CXADR: variants seen among roughly 807,000 people sequenced by gnomAD.
CXADR encodes the protein CXADR cell adhesion molecule.
A neutral mutation model predicts 40.3 loss-of-function variants in CXADR; 20 were observed. That is an observed-to-expected ratio of 0.50 (90% CI 0.35 to 0.72). The LOEUF (loss-of-function observed/expected upper bound fraction) is 0.72, where lower values mean the gene tolerates loss of function less well. Among genes scored for constraint, CXADR ranks in the 30% least tolerant of loss-of-function variants. The pLI is 0.01. For missense variants in CXADR, 332 were observed against 449.1 expected (o/e 0.74, Z 2.36); for synonymous variants, 150 against 161.3 (o/e 0.93, Z 0.53).
At chr21:17,546,818 A>G (rs2060902895) in intron 1 of CXADR, among the ~76,000 whole-genome samples, 1 of 152,204 alleles carries the variant, frequency 6.6e-6, no homozygotes, top group Non-Finnish European at 1.5e-5. Flanking sequence ...GAATTGTATC[A>G]AATAAGATGA....
At chr21:17,520,148 GTTAA>G (rs1569071941) in intron 1 of CXADR, among the ~76,000 whole-genome samples, 2 of 152,098 alleles carry the variant, frequency 1.3e-5, no homozygotes, top group African/African-American at 2.4e-5. Flanking sequence ...ACACTCACCT[GTTAA>G]TTAAGTGATA....
At chr21:17,591,450 CCT>C (rs1423961028) in intron 7 of CXADR, among the ~76,000 whole-genome samples, 3 of 151,934 alleles carry the variant, frequency 2.0e-5, no homozygotes, top group African/African-American at 7.2e-5. Context: ...TTAACACATA[CCT>C]CTGTTAGCTG....
At chr21:17,546,925 G>A (rs1452931564) in intron 1 of CXADR, 102 bp from the exon 2 acceptor site, 2 of 1,402,418 alleles carry the variant, frequency 1.4e-6, no homozygotes, top group African/African-American at 2.9e-5. Flanking sequence ...ACCCCGTCCT[G>A]TATCCCTCGC....
rs1157117899 is a variant in CXADR at position 17,534,100 on chromosome 21, A to ATT, written c.44-12903_44-12902dup. ...CACACACATATATATATATATATATATTTTTTTTTTTTTTTTTTTTTTTTT... is the reference window on the plus strand; with the variant it reads ...CACACACATATATATATATATATATATTTTTTTTTTTTTTTTTTTTTTTTTTT... On this transcript the variant is annotated intron_variant, in intron 1 of 6. Coordinates refer to ENST00000284878, the MANE Select transcript of CXADR (RefSeq NM_001338.5). Among the ~76,000 whole-genome samples, 282 of 60,078 alleles carry ATT rather than the reference A, an allele frequency of 4.7e-3. 10 individuals carry two copies. The highest frequency in any genetic ancestry group is 0.019 in the African/African-American group (214 of 11,236). The allele number at this position is 60,078 out of a possible 152,430, so 39.4% of individuals were successfully genotyped here.
chr21:17,629,163 T>G, the CXADR span, among the ~76,000 whole-genome samples: 2 of 152,030 alleles, frequency 1.3e-5, no homozygotes, highest in African/African-American at 4.8e-5. Context: ...GCCGATCACT[T>G]GAAGCCAGGA....
chr21:17,522,066 G>A (rs1600946475), intron 1 of CXADR, among the ~76,000 whole-genome samples: 2 of 151,854 alleles, frequency 1.3e-5, no homozygotes, highest in South Asian at 2.1e-4. Flanking sequence ...TGCCCACGCT[G>A]GAGTGCAGTG....
At chr21:17,628,506 C>T in the CXADR span, among the ~76,000 whole-genome samples, 1 of 146,380 alleles carries the variant, frequency 6.8e-6, no homozygotes, top group Non-Finnish European at 1.5e-5. Context: ...TGTCCCAGTT[C>T]TTTTTTTTTT....
downstream of CXADR, among the ~76,000 whole-genome samples, chr21:17,572,884 A>G (rs574185783): frequency 8.5e-4 from 130 of 152,358 alleles, no homozygotes; most frequent in African/African-American, 2.7e-3. Context: ...TTAGCTTTCC[A>G]AAAGACCTGA....
chr21:17,552,007 ATAGTACTG>A, intron 3 of CXADR, 54 bp downstream of exon 3: 1 of 1,348,134 alleles, frequency 7.4e-7, no homozygotes, highest in Non-Finnish European at 1.1e-6. Flanking sequence ...ATGATTAGTC[ATAGTACTG>A]TAGTAGCAGC....
chr21:17,608,049 G>A, the CXADR span, among the ~76,000 whole-genome samples: 1 of 152,152 alleles, frequency 6.6e-6, no homozygotes, highest in African/African-American at 2.4e-5. Context: ...TGAAAACATG[G>A]GGTCATGTAG....
chr21:17,544,644 A>G (rs2060871353), intron 1 of CXADR, among the ~76,000 whole-genome samples: 1 of 152,018 alleles, frequency 6.6e-6, no homozygotes, highest in Non-Finnish European at 1.5e-5. Flanking sequence ...GGGTGCAGCA[A>G]GGGTTTTTGA....
intron 1 of CXADR, among the ~76,000 whole-genome samples, chr21:17,515,146 G>GA (rs11394618): frequency 1 from 152,200 of 152,200 alleles, 76,100 homozygotes; most frequent in Non-Finnish European, 1. Flanking sequence ...TTCAGTTTAA[G>GA]AACAGCTGAG....
At position 17,568,559 on chromosome 21, in the gene CXADR, T is replaced by C. The variant is rs1405857790; in HGVS notation, c.*2867T>C. 1 of 221,728 alleles carries C rather than the reference T, an allele frequency of 4.5e-6. No individual in the cohort carries two copies. The allele number at this position is 221,728 out of a possible 1,614,324, so 13.7% of individuals were successfully genotyped here. A position where few individuals can be genotyped will look rare whatever the true frequency, so the allele number is the denominator to read the frequency against. On this transcript the variant is annotated 3_prime_UTR_variant, in exon 7 of 7. Coordinates refer to ENST00000284878, the MANE Select transcript of CXADR (RefSeq NM_001338.5). ...ACTGTAGAATATATAGTTCTGTACT[T>C]TTTTTTTTTTTTTTTAAGAGATAGG... is the stretch of plus-strand genomic sequence containing the variant.
At chr21:17,530,220 C>T (rs146044998) in intron 1 of CXADR, among the ~76,000 whole-genome samples, 5,518 of 151,124 alleles carry the variant, frequency 0.037, 332 homozygotes, top group African/African-American at 0.13. Context: ...CCACCTCGGC[C>T]TCCCAAAGTG....
chr21:17,570,974 CT>C (rs1469001761), downstream of CXADR, among the ~76,000 whole-genome samples: 1 of 152,210 alleles, frequency 6.6e-6, no homozygotes, highest in Non-Finnish European at 1.5e-5. Context: ...GGCAGCACCC[CT>C]GGCTTCCACC....
In CXADR at chr21:17,538,594, C is replaced by T. The variant is rs140590848; in HGVS notation, c.44-8433C>T. 3.5e-3 allele frequency among the ~76,000 whole-genome samples: 533 copies of T among 151,968 alleles called. 3 individuals carry two copies. Among genetic ancestry groups the T allele is most frequent in the African/African-American group, 0.013 (521 of 41,428 alleles). ...GCTGAGGTGGGAGGATTACTTGAGC[C>T]CTGGAGTTCAAGACCAGCTTGGGCA... On this transcript the variant is annotated intron_variant, in intron 1 of 6. Coordinates refer to ENST00000284878, the MANE Select transcript of CXADR (RefSeq NM_001338.5).
chr21:17,535,257 G>A (rs913577047), intron 1 of CXADR, among the ~76,000 whole-genome samples: 2 of 152,072 alleles, frequency 1.3e-5, no homozygotes, highest in African/African-American at 4.8e-5. Context: ...CTTCCTAGTA[G>A]CTGGGACCAC....
At chr21:17,518,594 T>C in intron 1 of CXADR, 1 of 1,330,738 alleles carries the variant, frequency 7.5e-7, no homozygotes, top group East Asian at 2.3e-5. Context: ...TCCTCATCAG[T>C]GTCTTCTGGT....
chr21:17,542,515 G>C (rs1005568836), intron 1 of CXADR, among the ~76,000 whole-genome samples: 8 of 152,174 alleles, frequency 5.3e-5, no homozygotes, highest in African/African-American at 1.9e-4. Context: ...CAGAAGAGAA[G>C]CTTTAAAGAT....
Sources: allele counts gnomAD v4.1 joint callset (sites outside exome capture counted in the v4.1 genomes callset), GRCh38; gene constraint gnomAD v4.1.1; transcripts MANE v1.5; gene names NCBI Gene and HGNC (gene_info 2026-07-23, HGNC 2026-07-21).